Variants in NCOA2 observed in about 807,000 individuals in gnomAD.
The protein encoded by NCOA2 is class E basic helix-loop-helix protein 75.
NCOA2 carries 21 observed loss-of-function variants against 145.1 expected under a neutral mutation model. That is an observed-to-expected ratio of 0.14 (90% CI 0.10 to 0.21). NCOA2 has a LOEUF of 0.21. Ranked by LOEUF, NCOA2 falls within the 10% of genes least tolerant of loss-of-function variation. The pLI is 1.00. For missense variants in NCOA2, 1,472 were observed against 1,837.6 expected (o/e 0.80, Z 3.64); for synonymous variants, 619 against 637.5 (o/e 0.97, Z 0.44).
chr8:70,164,686 G>C (rs999868463), intron 7 of NCOA2, among the ~76,000 whole-genome samples: 13 of 152,016 alleles, frequency 8.6e-5, no homozygotes, highest in African/African-American at 3.1e-4. Flanking sequence ...TTGCTCTACT[G>C]TAGTCTTTTA....
At chr8:70,206,941 A>G (rs1221232111) in intron 4 of NCOA2, among the ~76,000 whole-genome samples, 1 of 152,172 alleles carries the variant, frequency 6.6e-6, no homozygotes, top group Non-Finnish European at 1.5e-5. Flanking sequence ...AGCTTCTTTA[A>G]TAATCAACAG....
At chr8:70,133,246 GC>G (rs1457865065) in intron 15 of NCOA2, among the ~76,000 whole-genome samples, 2 of 112,654 alleles carry the variant, frequency 1.8e-5, no homozygotes, top group Non-Finnish European at 3.5e-5. Context: ...TCATTATGTT[GC>G]CCAGGCTGGA....
upstream of NCOA2, among the ~76,000 whole-genome samples, chr8:70,408,188 A>C (rs73684295): frequency 3.4e-3 from 515 of 152,352 alleles, 5 homozygotes; most frequent in African/African-American, 0.012. Context: ...GCATCTCTGC[A>C]AATTTTATCA....
At chr8:70,335,674 A>G (rs1362034002) in intron 1 of NCOA2, among the ~76,000 whole-genome samples, 1 of 152,212 alleles carries the variant, frequency 6.6e-6, no homozygotes, top group Non-Finnish European at 1.5e-5. Context: ...TAGGTACTTC[A>G]TAAGAGTAGA....
intron 1 of NCOA2, among the ~76,000 whole-genome samples, chr8:70,366,474 A>G (rs940719573): frequency 5.3e-5 from 8 of 151,926 alleles, no homozygotes; most frequent in Admixed American, 6.6e-5. Context: ...TGGTAAGACC[A>G]AAATATTTAA....
At chr8:70,231,884 CCA>C (rs1554601638) in intron 2 of NCOA2, among the ~76,000 whole-genome samples, 1 of 152,146 alleles carries the variant, frequency 6.6e-6, no homozygotes, top group Non-Finnish European at 1.5e-5. Flanking sequence ...GCTTAATCCC[CCA>C]CAGTTACTGA....
intron 1 of NCOA2, among the ~76,000 whole-genome samples, chr8:70,387,753 A>T (rs1001683223): frequency 6.6e-6 from 1 of 152,144 alleles, no homozygotes; most frequent in East Asian, 1.9e-4. Context: ...ATGTGATCCT[A>T]TGTAACTTTT....
At chr8:70,126,565 C>A (rs978676025) in intron 19 of NCOA2, 5 of 541,788 alleles carry the variant, frequency 9.2e-6, no homozygotes, top group Non-Finnish European at 1.7e-5. Context: ...TTACTTCGGT[C>A]ATTCTTAAAG....
At chr8:70,131,790 C>T (rs1282178081) in intron 16 of NCOA2, 47 bp downstream of exon 16, 22 of 1,547,912 alleles carry the variant, frequency 1.4e-5, no homozygotes, top group East Asian at 2.4e-5. Flanking sequence ...GACACCTCTG[C>T]GCCCATGAGA....
chr8:70,212,066 CATAT>C (rs36215324), intron 4 of NCOA2, among the ~76,000 whole-genome samples: 3,039 of 144,282 alleles, frequency 0.021, 86 homozygotes, highest in African/African-American at 0.072. Flanking sequence ...CTTTGTGGCG[CATAT>C]ATATATATAT....
intron 4 of NCOA2, among the ~76,000 whole-genome samples, chr8:70,199,277 G>A (rs920249929): frequency 2.6e-5 from 4 of 151,756 alleles, no homozygotes; most frequent in Non-Finnish European, 5.9e-5. Flanking sequence ...ATGAAACCTT[G>A]TCTCTACTAA....
chr8:70,316,946 C>A (rs1805628296), intron 1 of NCOA2, among the ~76,000 whole-genome samples: 1 of 152,114 alleles, frequency 6.6e-6, no homozygotes, highest in African/African-American at 2.4e-5. Context: ...GTCTTCCTCA[C>A]ACTGTTCGGA....
chr8:70,327,737 T>C (rs751402338), intron 1 of NCOA2, among the ~76,000 whole-genome samples: 4 of 152,100 alleles, frequency 2.6e-5, no homozygotes, highest in Non-Finnish European at 4.4e-5. Context: ...ACAGTAGATA[T>C]TATGATTAAA....
In NCOA2 at chr8:70,126,878, G is replaced by A. The variant is rs779729843; in HGVS notation, c.3851C>T (p.Ala1284Val). Residue 1284 changes from alanine to valine, a missense_variant, in exon 19 of 23, where the codon GCA (alanine) becomes GTA (valine). Transcript: ENST00000452400. ...GGGAATCCGAGGGTTGCTCATAGTT[G>A]CTGGCATACCACTAGGAGCCACCAT... ...PSMVAPSGMP[A>V]TMSNPRIPQA... 1 of 1,614,024 alleles carries A rather than the reference G, an allele frequency of 6.2e-7. No individual in the cohort carries two copies. Among genetic ancestry groups the A allele is most frequent in the South Asian group, 1.1e-5 (1 of 91,086 alleles).
intron 1 of NCOA2, among the ~76,000 whole-genome samples, chr8:70,313,154 TAA>T (rs1232624159): frequency 2.0e-5 from 3 of 152,194 alleles, no homozygotes; most frequent in South Asian, 2.1e-4. Flanking sequence ...ACTATTAATA[TAA>T]GTGTGGTTTT....
At chr8:70,331,688 T>C (rs1807118559) in intron 1 of NCOA2, among the ~76,000 whole-genome samples, 2 of 152,154 alleles carry the variant, frequency 1.3e-5, no homozygotes, top group Non-Finnish European at 2.9e-5. Context: ...AACTTCATTT[T>C]AAGCTAAGCT....
chr8:70,309,821 G>A (rs1029917172), intron 1 of NCOA2, among the ~76,000 whole-genome samples: 6 of 152,012 alleles, frequency 3.9e-5, no homozygotes, highest in Admixed American at 6.6e-5. Flanking sequence ...GAGTGTGGTG[G>A]TGCACATCTG....
chr8:70,273,818 G>T, intron 2 of NCOA2: 1 of 570,006 alleles, frequency 1.8e-6, no homozygotes, highest in Non-Finnish European at 3.4e-6. Context: ...ATTTGGATGA[G>T]GCTTCCAAGA....
At chr8:70,339,946 G>A (rs535272571) in intron 1 of NCOA2, among the ~76,000 whole-genome samples, 1 of 152,226 alleles carries the variant, frequency 6.6e-6, no homozygotes, top group African/African-American at 2.4e-5. Context: ...AACTCAGGAT[G>A]GATTAAAGAC....
Sources: allele counts gnomAD v4.1 joint callset (sites outside exome capture counted in the v4.1 genomes callset), GRCh38; gene constraint gnomAD v4.1.1; transcripts MANE v1.5; gene names NCBI Gene and HGNC (gene_info 2026-07-23, HGNC 2026-07-21).